Variants in MARCHF1 observed in about 807,000 individuals in gnomAD.
MARCHF1 encodes E3 ubiquitin-protein ligase MARCHF1.
In MARCHF1, 40 loss-of-function variants were observed where a neutral mutation model predicts 54.2. The observed-to-expected ratio is 0.74, with a 90% CI of 0.57 to 0.96. The LOEUF (loss-of-function observed/expected upper bound fraction) is 0.96. Among genes scored for constraint, MARCHF1 ranks in the 40% least tolerant of loss-of-function variants. The pLI, the probability that MARCHF1 is intolerant of heterozygous loss-of-function variation, is 0.00. For synonymous variants in MARCHF1, 236 were observed against 236.3 expected, an observed-to-expected ratio of 1.00 and a Z score of 0.01; for missense variants, 586 against 656.5, an observed-to-expected ratio of 0.89 and a Z score of 1.17.
intron 4 of MARCHF1, among the ~76,000 whole-genome samples, chr4:163,811,703 T>C (rs550710401): frequency 6.6e-6 from 1 of 152,292 alleles, no homozygotes; most frequent in East Asian, 1.9e-4. Flanking sequence ...AGGCCTGATA[T>C]TGAGAAAGCT....
intron 4 of MARCHF1, among the ~76,000 whole-genome samples, chr4:163,759,806 G>A (rs1440830056): frequency 3.3e-5 from 5 of 152,092 alleles, no homozygotes; most frequent in African/African-American, 1.2e-4. Flanking sequence ...TTACCTTTAT[G>A]TGAATTTCAT....
intron 4 of MARCHF1, among the ~76,000 whole-genome samples, chr4:163,752,174 CA>C (rs1159209004): frequency 6.6e-6 from 1 of 151,918 alleles, no homozygotes; most frequent in Non-Finnish European, 1.5e-5. Context: ...ATACGACATC[CA>C]AAAATCAATC....
chr4:164,156,878 C>G (rs151160393), intron 1 of MARCHF1, among the ~76,000 whole-genome samples: 5 of 151,288 alleles, frequency 3.3e-5, no homozygotes, highest in Non-Finnish European at 7.4e-5. Context: ...AGACATGCTT[C>G]TCATTTGATC....
At chr4:163,742,484 T>C (rs1746234828) in intron 4 of MARCHF1, among the ~76,000 whole-genome samples, 1 of 151,444 alleles carries the variant, frequency 6.6e-6, no homozygotes, top group East Asian at 1.9e-4. Context: ...CCTTTCCTTT[T>C]CTTTTTTCTT....
intron 3 of MARCHF1, among the ~76,000 whole-genome samples, chr4:163,910,323 A>T (rs924710330): frequency 1.3e-5 from 2 of 152,222 alleles, no homozygotes; most frequent in East Asian, 3.8e-4. Flanking sequence ...AATGTGTTGC[A>T]GTAAAACTAT....
At chr4:163,724,052 T>C (rs996237162) in intron 4 of MARCHF1, among the ~76,000 whole-genome samples, 2 of 152,258 alleles carry the variant, frequency 1.3e-5, no homozygotes, top group African/African-American at 4.8e-5. Flanking sequence ...TCCAGCTTTG[T>C]TCCATTGCTG....
At chr4:163,739,410 AT>A (rs1429955229) in intron 4 of MARCHF1, among the ~76,000 whole-genome samples, 1 of 152,224 alleles carries the variant, frequency 6.6e-6, no homozygotes, top group African/African-American at 2.4e-5. Flanking sequence ...ATACTAGAAA[AT>A]TCAGTATGAT....
At position 163,765,685 on chromosome 4, in the gene MARCHF1, A is replaced by G. The variant is rs181386268; in HGVS notation, c.112-64822T>C. Among the ~76,000 whole-genome samples the G allele has an allele frequency of 2.4e-3, 366 of 151,998 alleles. 4 individuals are homozygous for G. Among genetic ancestry groups the G allele is most frequent in the African/African-American group, 8.4e-3 (347 of 41,528 alleles). The stretch of plus-strand genomic sequence containing the variant: ...AGCACCTGTTAAACACCACTGCCTC[A>G]GACATGGAACCAAGTTTACTACTTT... On this transcript the variant is annotated intron_variant, in intron 4 of 9. Coordinates refer to ENST00000514618, the MANE Select transcript of MARCHF1 (RefSeq NM_001394959.1).
At chr4:163,626,824 G>A (rs1487718370) in intron 5 of MARCHF1, among the ~76,000 whole-genome samples, 5 of 152,248 alleles carry the variant, frequency 3.3e-5, no homozygotes, top group Admixed American at 1.3e-4. Context: ...CTACTCGGGA[G>A]GCTGAGGCAG....
chr4:163,865,073 G>A (rs1252915422), intron 3 of MARCHF1, among the ~76,000 whole-genome samples: 1 of 151,818 alleles, frequency 6.6e-6, no homozygotes, highest in Non-Finnish European at 1.5e-5. Flanking sequence ...AAGGGAATTT[G>A]GTATGAAACT....
At chr4:163,602,609 G>T (rs1183449093) in intron 7 of MARCHF1, among the ~76,000 whole-genome samples, 1 of 152,078 alleles carries the variant, frequency 6.6e-6, no homozygotes, top group South Asian at 2.1e-4. Flanking sequence ...GTTGGTCTTT[G>T]TTCTGACAAG....
At chr4:164,221,878 G>A (rs1289978039) in intron 1 of MARCHF1, among the ~76,000 whole-genome samples, 1 of 151,972 alleles carries the variant, frequency 6.6e-6, no homozygotes, top group East Asian at 1.9e-4. Context: ...GCCCAGTAGA[G>A]TGAGCTTACC....
At chr4:164,016,575 C>A (rs1240467323) in intron 2 of MARCHF1, among the ~76,000 whole-genome samples, 2 of 152,102 alleles carry the variant, frequency 1.3e-5, no homozygotes, top group African/African-American at 4.8e-5. Flanking sequence ...ACAAATATCA[C>A]ACGTGTTCAC....
intron 5 of MARCHF1, among the ~76,000 whole-genome samples, chr4:163,657,528 T>A (rs972763501): frequency 6.6e-6 from 1 of 151,934 alleles, no homozygotes; most frequent in Non-Finnish European, 1.5e-5. Context: ...TAAACTACCA[T>A]GGAAATTCTT....
At chr4:163,964,920 GAAAT>G (rs1477959158) in intron 3 of MARCHF1, among the ~76,000 whole-genome samples, 3 of 151,988 alleles carry the variant, frequency 2.0e-5, no homozygotes, top group African/African-American at 7.2e-5. Context: ...CACCGTGACT[GAAAT>G]AAATAGTTGG....
intron 4 of MARCHF1, among the ~76,000 whole-genome samples, chr4:163,797,841 T>A (rs1235327631): frequency 6.6e-6 from 1 of 152,124 alleles, no homozygotes; most frequent in Non-Finnish European, 1.5e-5. Flanking sequence ...ACATTAAGTA[T>A]TTTTGAGTCT....
At chr4:163,532,472 A>G (rs1738386045) in intron 9 of MARCHF1, among the ~76,000 whole-genome samples, 1 of 152,040 alleles carries the variant, frequency 6.6e-6, no homozygotes, top group East Asian at 1.9e-4. Flanking sequence ...CTGTGAAACT[A>G]TACAGCTTCT....
chr4:163,776,723 A>C (rs1747315648), intron 4 of MARCHF1, among the ~76,000 whole-genome samples: 1 of 152,134 alleles, frequency 6.6e-6, no homozygotes, highest in Admixed American at 6.6e-5. Flanking sequence ...TACTCAAGTT[A>C]TTTTCTGTGG....
chr4:163,578,706 C>G (rs1439903537), intron 8 of MARCHF1, among the ~76,000 whole-genome samples: 1 of 151,988 alleles, frequency 6.6e-6, no homozygotes, highest in East Asian at 1.9e-4. Context: ...TGATGGTGTC[C>G]AGCTCTCTCT....
Sources: gnomAD v4.1 joint callset for allele counts (sites outside exome capture counted in the v4.1 genomes callset) on GRCh38, gnomAD v4.1.1 for gene constraint, MANE v1.5 for transcripts, NCBI Gene and HGNC (gene_info 2026-07-23, HGNC 2026-07-21) for gene names.